The following ACBD6 variants were observed in gnomAD, a reference collection of about 807,000 sequenced individuals.
ACBD6 encodes the protein acyl-CoA binding domain containing 6.
ACBD6 carries 28 observed loss-of-function variants against 37.2 expected under a neutral mutation model. That is an observed-to-expected ratio of 0.75 (90% CI 0.56 to 1.03). The LOEUF is 1.03. Among genes scored for constraint, ACBD6 ranks in the 50% least tolerant of loss-of-function variants. The probability of loss-of-function intolerance (pLI) is 0.00; values close to 1 mark genes in which losing one functional copy is unlikely to be tolerated. For synonymous variants in ACBD6, 113 were observed against 126.8 expected (o/e 0.89, Z 0.73); for missense variants, 340 against 337.4 (o/e 1.01, Z -0.06).
At chr1:180,308,830 G>A (rs1224307794) in intron 7 of ACBD6, among the ~76,000 whole-genome samples, 1 of 152,214 alleles carries the variant, frequency 6.6e-6, no homozygotes, top group Admixed American at 6.5e-5. Context: ...TGGGTGGGAA[G>A]TAAATGAATC....
intron 6 of ACBD6, among the ~76,000 whole-genome samples, chr1:180,385,044 G>T (rs541302301): frequency 6.6e-6 from 1 of 152,032 alleles, no homozygotes; most frequent in African/African-American, 2.4e-5. Context: ...TTGATCAATA[G>T]GTATAAACAT....
At chr1:180,335,572 G>C (rs1258564606) in intron 6 of ACBD6, among the ~76,000 whole-genome samples, 4 of 152,070 alleles carry the variant, frequency 2.6e-5, no homozygotes, top group Non-Finnish European at 5.9e-5. Flanking sequence ...AAATTGTAAA[G>C]ACCATCGAGG....
chr1:180,349,886 C>T (rs4651061), intron 6 of ACBD6, among the ~76,000 whole-genome samples: 145,017 of 152,172 alleles, frequency 0.95, 69,168 homozygotes, highest in African/African-American at 0.99. Flanking sequence ...CTTTAAGCTA[C>T]CATAAAATCA....
chr1:180,274,024 A>C, exon 11 of ACBD6: 1 of 800,112 alleles, frequency 1.2e-6, no homozygotes, highest in Non-Finnish European at 2.1e-6. Flanking sequence ...TGGCCTCTGG[A>C]TATCAGGCTG....
chr1:180,458,772 G>T (rs1342677215), intron 3 of ACBD6, among the ~76,000 whole-genome samples: 1 of 152,050 alleles, frequency 6.6e-6, no homozygotes, highest in African/African-American at 2.4e-5. Context: ...TCATAATATT[G>T]GGAAGAGAAG....
intron 3 of ACBD6, among the ~76,000 whole-genome samples, chr1:180,476,770 G>A (rs1170835784): frequency 6.6e-6 from 1 of 152,072 alleles, no homozygotes; most frequent in African/African-American, 2.4e-5. Flanking sequence ...AGGTTGCAGT[G>A]AGCTGAGATC....
chr1:180,425,469 C>T (rs1264207365), intron 4 of ACBD6, among the ~76,000 whole-genome samples: 1 of 152,198 alleles, frequency 6.6e-6, no homozygotes, highest in Non-Finnish European at 1.5e-5. Flanking sequence ...AGAAGTATTA[C>T]ACTACCACCA....
intron 3 of ACBD6, among the ~76,000 whole-genome samples, chr1:180,436,917 G>A (rs1281160336): frequency 6.6e-6 from 1 of 152,116 alleles, no homozygotes; most frequent in East Asian, 1.9e-4. Flanking sequence ...CTAAGATCAG[G>A]AACAAGGCAA....
intron 7 of ACBD6, among the ~76,000 whole-genome samples, chr1:180,313,767 G>C (rs1488851175): frequency 6.6e-6 from 1 of 152,156 alleles, no homozygotes; most frequent in Non-Finnish European, 1.5e-5. Context: ...CTGGATTTGA[G>C]TGATCCTCCT....
chr1:180,429,912 C>T (rs1303760884), intron 4 of ACBD6, among the ~76,000 whole-genome samples: 11 of 152,090 alleles, frequency 7.2e-5, no homozygotes. Context: ...TAATTATTAT[C>T]ACTTATTCAG....
intron 5 of ACBD6, among the ~76,000 whole-genome samples, chr1:180,400,876 C>T (rs1333855416): frequency 6.6e-6 from 1 of 152,156 alleles, no homozygotes; most frequent in East Asian, 1.9e-4. Flanking sequence ...AAAATCTCTC[C>T]TCCAGAAGGA....
chr1:180,449,195 T>A (rs1649597650), intron 3 of ACBD6, among the ~76,000 whole-genome samples: 1 of 152,196 alleles, frequency 6.6e-6, no homozygotes, highest in Admixed American at 6.5e-5. Context: ...TCAGTGAACA[T>A]CAGTTATTTG....
intron 3 of ACBD6, among the ~76,000 whole-genome samples, chr1:180,484,467 A>G (rs1651179119): frequency 6.6e-6 from 1 of 152,194 alleles, no homozygotes; most frequent in Non-Finnish European, 1.5e-5. Flanking sequence ...ATGAGTAACT[A>G]CATTGAGGAT....
chr1:180,386,032 T>G (rs1558276822), intron 6 of ACBD6, among the ~76,000 whole-genome samples: 1 of 152,110 alleles, frequency 6.6e-6, no homozygotes, highest in Non-Finnish European at 1.5e-5. Context: ...TAGCCAGGCA[T>G]GGTGGTGCGT....
Position 180,323,455 on chromosome 1 carries a change from T to C in ACBD6, c.664-8733A>G, listed in dbSNP as rs57226792. Among the ~76,000 whole-genome samples, 1,013 of 152,216 alleles carry C rather than the reference T, an allele frequency of 6.7e-3. 16 individuals are homozygous for C. The highest frequency in any genetic ancestry group is 0.023 in the African/African-American group (967 of 41,556). ...GTATAGACTAAGTCTGATGTTTCTT[T>C]GATTTTCTGTCTGAAAGATCTGTCC... On this transcript the variant is annotated intron_variant, in intron 6 of 7. Coordinates refer to ENST00000367595, the MANE Select transcript of ACBD6 (RefSeq NM_032360.4).
intron 9 of ACBD6, chr1:180,277,774 C>A (rs1649122423): frequency 6.6e-6 from 1 of 151,782 alleles, no homozygotes; most frequent in Non-Finnish European, 1.5e-5. Context: ...GATCAACTAT[C>A]ATTGATAACA....
At chr1:180,338,450 G>T (rs974940682) in intron 6 of ACBD6, among the ~76,000 whole-genome samples, 3 of 152,144 alleles carry the variant, frequency 2.0e-5, no homozygotes, top group African/African-American at 7.2e-5. Context: ...TTTAATAAAT[G>T]GTGCTGGGAA....
At chr1:180,400,243 G>C (rs1647299326) in intron 5 of ACBD6, among the ~76,000 whole-genome samples, 1 of 152,166 alleles carries the variant, frequency 6.6e-6, no homozygotes, top group African/African-American at 2.4e-5. Context: ...GACCTCCATA[G>C]TGATTTTCAC....
rs754193080 is a variant in ACBD6, at chr1:180,413,394, T to C, written c.545A>G (p.Asn182Ser). Residue 182 changes from asparagine to serine, a missense_variant, in exon 5 of 8, where the codon AAT (asparagine) becomes AGT (serine). Asn to Ser is a conservative substitution (Grantham distance 46). Coordinates refer to ENST00000367595, the MANE Select transcript of ACBD6 (RefSeq NM_032360.4). ...TTCATCTTTCACATTCACATCCACA[T>C]TTTTCGATTTGATGGCTTTGGTTAT... ...DHITKAIKSKNVDVNVKDEEG... is the reference protein window; with the variant it reads ...DHITKAIKSKSVDVNVKDEEG... 2 of 1,613,108 alleles carry C rather than the reference T, an allele frequency of 1.2e-6. No individual in the cohort carries two copies. The highest frequency in any genetic ancestry group is 3.3e-5 in the Admixed American group (2 of 59,994).
Sources: gnomAD v4.1 joint callset for allele counts (sites outside exome capture counted in the v4.1 genomes callset) on GRCh38, gnomAD v4.1.1 for gene constraint, MANE v1.5 for transcripts, NCBI Gene and HGNC (gene_info 2026-07-23, HGNC 2026-07-21) for gene names.